FAM135A: variants seen among roughly 807,000 people sequenced by gnomAD.
The protein encoded by FAM135A is protein FAM135A.
A neutral mutation model predicts 146.8 loss-of-function variants in FAM135A; 79 were observed. The observed-to-expected ratio is 0.54, with a 90% CI of 0.45 to 0.65. FAM135A has a LOEUF of 0.65. Ranked by LOEUF, FAM135A falls within the 30% of genes least tolerant of loss-of-function variation. The probability of loss-of-function intolerance (pLI) is 0.00; values close to 1 mark genes in which losing one functional copy is unlikely to be tolerated. For synonymous variants in FAM135A, 562 were observed against 603.6 expected (o/e 0.93, Z 1.01); for missense variants, 1,623 against 1,758.2 (o/e 0.92, Z 1.38).
At chr6:70,504,842 G>A (rs111768078) in intron 12 of FAM135A, 19,784 of 151,756 alleles carry the variant, frequency 0.13, 1,534 homozygotes, top group Middle Eastern at 0.19. Context: ...GCGTGGTGGC[G>A]AGTACCTGTA....
chr6:70,528,494 A>T (rs758946949), intron 16 of FAM135A, 42 bp downstream of exon 16: 2 of 1,414,234 alleles, frequency 1.4e-6, no homozygotes, highest in East Asian at 5.0e-5. Context: ...AACTCAATAT[A>T]TTTTTTTCCT....
chr6:70,434,209 C>A (rs888710697), intron 4 of FAM135A, among the ~76,000 whole-genome samples: 4 of 152,074 alleles, frequency 2.6e-5, no homozygotes, highest in Non-Finnish European at 4.4e-5. Flanking sequence ...GAAATATTGC[C>A]CTTTAAATAG....
In FAM135A at chr6:70,477,330, A is replaced by C; in HGVS notation, c.540A>C (p.Ile180=). 2 of 1,612,044 alleles carry C rather than the reference A, an allele frequency of 1.2e-6. No homozygotes were observed. The highest frequency in any genetic ancestry group is 1.7e-6 in the Non-Finnish European group (2 of 1,179,114). ...ASLVALHQPL[I]SFPRPVKTTW... is the part of the protein sequence containing the mutation. ...TGGTTGCACTACACCAGCCACTAAT[A>C]AGGTAAATTTGACTAATATTTTTGT... The change falls in exon 8 of 22, where the codon ATA becomes ATC. Residue 180 remains isoleucine (I), a splice_region_variant and synonymous_variant. Transcript: ENST00000418814.
chr6:70,432,892 A>T (rs1772001659), intron 4 of FAM135A, among the ~76,000 whole-genome samples: 1 of 151,886 alleles, frequency 6.6e-6, no homozygotes, highest in Non-Finnish European at 1.5e-5. Flanking sequence ...AAGAAAAATA[A>T]TTTTTCTTTT....
chr6:70,430,528 C>T (rs575904707), intron 4 of FAM135A, among the ~76,000 whole-genome samples: 1 of 152,240 alleles, frequency 6.6e-6, no homozygotes, highest in South Asian at 2.1e-4. Context: ...AAGTTTATTC[C>T]ATGCTTTAAA....
chr6:70,451,095 C>G (rs761654641), intron 4 of FAM135A, among the ~76,000 whole-genome samples: 7 of 151,952 alleles, frequency 4.6e-5, no homozygotes, highest in Non-Finnish European at 8.8e-5. Context: ...ATTTTGTGGT[C>G]CCATACAAAT....
rs1561980934 is a variant in FAM135A, at chr6:70,526,762, C to CAT, written c.3614+65_3614+66insTA. 2.2e-5 allele frequency: 14 copies of CAT among 644,760 alleles called. No individual in the cohort carries two copies. The African/African-American group carries it at 4.2e-4, about 19-fold the overall frequency. The allele number at this position is 644,760 out of a possible 1,614,324, so 39.9% of individuals were successfully genotyped here. A position where few individuals can be genotyped will look rare whatever the true frequency, so the allele number is the denominator to read the frequency against. The stretch of plus-strand genomic sequence containing the variant: ...ATACATATATATATACACACACACA[C>CAT]ACATACACACACACACACACACACA... On this transcript the variant is annotated intron_variant, in intron 15 of 21. Coordinates refer to ENST00000418814, the MANE Select transcript of FAM135A (RefSeq NM_001162529.3).
At chr6:70,485,855 GCCTATATGAA>G (rs1784520222) in intron 10 of FAM135A, among the ~76,000 whole-genome samples, 1 of 151,992 alleles carries the variant, frequency 6.6e-6, no homozygotes, top group South Asian at 2.1e-4. Context: ...AAGTCACATA[GCCTATATGAA>G]CCCCAATATC....
intron 20 of FAM135A, among the ~76,000 whole-genome samples, chr6:70,552,465 CTT>C (rs35509125): frequency 0.26 from 25,230 of 96,998 alleles, 2,727 homozygotes; most frequent in African/African-American, 0.38. Context: ...GTTGAAGATT[CTT>C]TTTTTTTTTT....
Position 70,525,537 on chromosome 6 carries a change from C to T in FAM135A, c.2453C>T (p.Ser818Leu), listed in dbSNP as rs1448056066. 1 of 1,612,102 alleles carries T rather than the reference C, an allele frequency of 6.2e-7. No individual in the cohort carries two copies. Among genetic ancestry groups the T allele is most frequent in the Non-Finnish European group, 8.5e-7 (1 of 1,179,374 alleles). ...LMKPDYNVKFSLGNHCTESTS... is the reference protein window; with the variant it reads ...LMKPDYNVKFLLGNHCTESTS... ...AAACCTGATTATAATGTAAAATTTT[C>T]ATTAGGAAATCATTGTACTGAGAGT... Residue 818 changes from serine (S) to leucine (L), a missense_variant, in exon 15 of 22, where the codon TCA (serine) becomes TTA (leucine). This residue lies in a region of FAM135A where 1,061 missense variants were observed against 1,113.8 expected (regional missense o/e 0.95). Transcript: ENST00000418814.
At position 70,502,522 on chromosome 6, in the gene FAM135A, CTCT is replaced by C. The variant is rs1788787299; in HGVS notation, c.874-112_874-110del. 10 of 1,052,760 alleles carry C rather than the reference CTCT, an allele frequency of 9.5e-6. No individual in the cohort carries two copies. The East Asian group carries it at 2.6e-4, about 27-fold the overall frequency. The allele number at this position is 1,052,760 out of a possible 1,614,324, so 65.2% of individuals were successfully genotyped here. A position where few individuals can be genotyped will look rare whatever the true frequency, so the allele number is the denominator to read the frequency against. On this transcript the variant is annotated intron_variant, in intron 11 of 21. Transcript: ENST00000418814. Reference sequence around the variant, plus strand: ...TGTGCATGCACATACAAATGCACATCTCTTTTTTTAAACCACAAATTTGCCTTT... The same window carrying C: ...TGTGCATGCACATACAAATGCACATCTTTTTTAAACCACAAATTTGCCTTT...
intron 5 of FAM135A, among the ~76,000 whole-genome samples, chr6:70,453,282 C>T (rs956611841): frequency 2.0e-5 from 3 of 152,124 alleles, no homozygotes; most frequent in African/African-American, 7.2e-5. Context: ...ACACCTAACA[C>T]TAGAGCTATG....
chr6:70,507,967 A>G (rs887668855), intron 12 of FAM135A, among the ~76,000 whole-genome samples: 9 of 152,106 alleles, frequency 5.9e-5, no homozygotes, highest in African/African-American at 1.4e-4. Context: ...TTAGCCTACC[A>G]TAGATTGATT....
At chr6:70,459,755 C>T (rs1234188859) in intron 5 of FAM135A, among the ~76,000 whole-genome samples, 5 of 152,040 alleles carry the variant, frequency 3.3e-5, no homozygotes, top group Non-Finnish European at 2.9e-5. Context: ...AGTCACCAGG[C>T]GCGGAGGCTC....
intron 12 of FAM135A, among the ~76,000 whole-genome samples, chr6:70,514,436 T>A (rs1791742959): frequency 6.6e-6 from 1 of 152,198 alleles, no homozygotes; most frequent in Non-Finnish European, 1.5e-5. Context: ...TAATTATTGT[T>A]TAAAAGTCCT....
chr6:70,415,875 G>A (rs1712004224), intron 2 of FAM135A, among the ~76,000 whole-genome samples: 1 of 152,130 alleles, frequency 6.6e-6, no homozygotes, highest in Admixed American at 6.5e-5. Flanking sequence ...ATCTCCAGCT[G>A]TAAAGTAATT....
chr6:70,536,250 C>A lies in FAM135A; in HGVS notation c.3966-10C>A. On this transcript the variant is annotated splice_polypyrimidine_tract_variant and intron_variant, in intron 18 of 21. Coordinates refer to ENST00000418814, the MANE Select transcript of FAM135A (RefSeq NM_001162529.3). ...GCTGTGAGAAAATTAATTTTTTTTT[C>A]CTCTTAAAGCTTTATTGGACATTCG... The A allele has an allele frequency of 6.4e-7, 1 of 1,574,644 alleles. No homozygotes were observed. Among genetic ancestry groups the A allele is most frequent in the South Asian group, 1.2e-5 (1 of 84,164 alleles).
At chr6:70,480,476 T>C (rs1783487964) in intron 8 of FAM135A, among the ~76,000 whole-genome samples, 1 of 152,186 alleles carries the variant, frequency 6.6e-6, no homozygotes, top group Admixed American at 6.6e-5. Context: ...TTTAGTAATT[T>C]TTCTTTTTCT....
At chr6:70,450,713 G>GTTTTTTTTTTTTTT (rs1192559967) in intron 4 of FAM135A, among the ~76,000 whole-genome samples, 2 of 29,780 alleles carry the variant, frequency 6.7e-5, no homozygotes, top group Non-Finnish European at 9.8e-5. Flanking sequence ...GACCCTTTTA[G>GTTTTTTTTTTTTTT]TTGTTTTTTT....
Sources: allele counts gnomAD v4.1 joint callset (sites outside exome capture counted in the v4.1 genomes callset), GRCh38; gene constraint gnomAD v4.1.1; regional missense constraint gnomAD v4.1.1; transcripts MANE v1.5; gene names NCBI Gene and HGNC (gene_info 2026-07-23, HGNC 2026-07-21).